The following RRBP1 variants were observed in gnomAD, a reference collection of about 807,000 sequenced individuals.
RRBP1 encodes ribosome binding protein 1.
Under a neutral mutation model 165.2 loss-of-function variants are expected in RRBP1, and 94 were observed. The observed-to-expected ratio is 0.57, with a 90% CI of 0.48 to 0.68. The LOEUF (loss-of-function observed/expected upper bound fraction) is 0.68. Among genes scored for constraint, RRBP1 ranks in the 30% least tolerant of loss-of-function variants. The pLI is 0.00. For missense variants in RRBP1, 1,676 were observed against 1,763.0 expected, an observed-to-expected ratio of 0.95 and a Z score of 0.88; for synonymous variants, 680 against 714.5, an observed-to-expected ratio of 0.95 and a Z score of 0.77.
At chr20:17,673,325 TCCTGA>T (rs1437426707) in intron 2 of RRBP1, among the ~76,000 whole-genome samples, 3 of 152,176 alleles carry the variant, frequency 2.0e-5, no homozygotes, top group Admixed American at 6.5e-5. Flanking sequence ...GGCAGTCACC[TCCTGA>T]CCTGACAGGG....
chr20:17,618,586 G>A lies in RRBP1; in HGVS notation c.3759+10C>T. The A allele has an allele frequency of 1.2e-6, 2 of 1,611,282 alleles. No homozygotes were observed. The highest frequency in any genetic ancestry group is 1.7e-6 in the Non-Finnish European group (2 of 1,177,644). ...CACACTCCTGGCATGGGGACATGGAGGCCACCTACCAGGGCAAGCTCATCG... is the reference window on the plus strand; with the variant it reads ...CACACTCCTGGCATGGGGACATGGAAGCCACCTACCAGGGCAAGCTCATCG... On this transcript the variant is annotated intron_variant, in intron 20 of 24. Transcript: ENST00000377813.
rs372374709 is a variant in RRBP1, at chr20:17,641,801, T to A, written c.2180A>T (p.Asn727Ile). 4.6e-5 allele frequency: 74 copies of A among 1,612,866 alleles called. No homozygotes were observed. The highest frequency in any genetic ancestry group is 5.8e-5 in the Non-Finnish European group (69 of 1,179,956). ...CCGAGCCCACTCAGGCTGTACCTTG[T>A]TGAGCTCCCTCAGTTTGCTCTTGGC... ...AVAKSKLREL[N>I]KEMAAEKAKA... Residue 727 changes from asparagine (N) to isoleucine (I), a missense_variant, in exon 5 of 25, where the codon AAC becomes ATC. By Grantham distance (149) the Asn-to-Ile change is moderately radical. Coordinates refer to ENST00000377813, the MANE Select transcript of RRBP1 (RefSeq NM_001365613.2).
intron 3 of RRBP1, among the ~76,000 whole-genome samples, chr20:17,645,198 G>A (rs2036441286): frequency 6.6e-6 from 1 of 152,230 alleles, no homozygotes; most frequent in South Asian, 2.1e-4. Flanking sequence ...TAAGGCAGCT[G>A]GAGGGCACGC....
Position 17,660,081 on chromosome 20 carries a change from CCTT to C in RRBP1, c.424_426del (p.Lys142del), listed in dbSNP as rs765134421. 180 of 1,614,112 alleles carry C rather than the reference CCTT, an allele frequency of 1.1e-4. No homozygotes were observed. Among genetic ancestry groups the C allele is most frequent in the South Asian group, 1.1e-3 (97 of 91,060 alleles). On this transcript the variant is annotated inframe_deletion, in exon 3 of 25. Transcript: ENST00000377813. Reference sequence around the variant, plus strand: ...GGTTCCACTTTTGCCACTTTTTTCTCCTTCTTCTTTTTGTCCTTGGGGGAGGAG... The same window carrying C: ...GGTTCCACTTTTGCCACTTTTTTCTCCTTCTTTTTGTCCTTGGGGGAGGAG...
intron 1 of RRBP1, among the ~76,000 whole-genome samples, 200 bp from the exon 2 acceptor site, chr20:17,680,275 CG>C (rs2037155752): frequency 6.6e-6 from 1 of 152,234 alleles, no homozygotes; most frequent in South Asian, 2.1e-4. Flanking sequence ...CTGCACAGGG[CG>C]GGGTAACATT....
intron 3 of RRBP1, among the ~76,000 whole-genome samples, chr20:17,652,180 G>T (rs1311711777): frequency 6.6e-6 from 1 of 152,226 alleles, no homozygotes; most frequent in Non-Finnish European, 1.5e-5. Context: ...CTTTCAGAAG[G>T]TCCTGTTTAG....
At position 17,625,614 on chromosome 20, in the gene RRBP1, C is replaced by A. The variant is rs769853834; in HGVS notation, c.2964-12G>T. The A allele has an allele frequency of 6.2e-7, 1 of 1,611,768 alleles. No homozygotes were observed. Among genetic ancestry groups the A allele is most frequent in the South Asian group, 1.1e-5 (1 of 91,040 alleles). ...CCAGCTCCTTGAGGCTGAAGGGACA[C>A]AACGAGGTCACCGCCTAGGCTCCAA... On this transcript the variant is annotated splice_polypyrimidine_tract_variant and intron_variant, in intron 11 of 24. Coordinates refer to ENST00000377813, the MANE Select transcript of RRBP1 (RefSeq NM_001365613.2).
At chr20:17,669,933 G>C (rs1203256313) in intron 2 of RRBP1, among the ~76,000 whole-genome samples, 2 of 152,100 alleles carry the variant, frequency 1.3e-5, no homozygotes, top group African/African-American at 4.8e-5. Context: ...AATTCTTCTT[G>C]AATTTTTGCA....
In RRBP1 at chr20:17,635,626, G is replaced by T; in HGVS notation, c.2376C>A (p.Asn792Lys). Residue 792 changes from asparagine (N) to lysine (K), a missense_variant, in exon 7 of 25, where the codon AAC becomes AAA. Physicochemically the swap from Asn to Lys is moderately conservative, Grantham distance 94. Coordinates refer to ENST00000377813, the MANE Select transcript of RRBP1 (RefSeq NM_001365613.2). ...TLQEQLENGP[N>K]TQLARLQQEN... ...CCTGCTGCAGGCGGGCCAGCTGCGTGTTGGGGCCATTCTCCAGCTGCTCCT... is the reference window on the plus strand; with the variant it reads ...CCTGCTGCAGGCGGGCCAGCTGCGTTTTGGGGCCATTCTCCAGCTGCTCCT... 6.2e-7 allele frequency: 1 copy of T among 1,613,530 alleles called. No individual in the cohort carries two copies. The highest frequency in any genetic ancestry group is 1.3e-5 in the African/African-American group (1 of 75,036).
At chr20:17,637,009 C>CGGTGCTGTCCCTGGCTCTCCAG (rs1568766866) in intron 5 of RRBP1, among the ~76,000 whole-genome samples, 1 of 152,226 alleles carries the variant, frequency 6.6e-6, no homozygotes, top group Non-Finnish European at 1.5e-5. Context: ...CAGAGACACA[C>CGGTGCTGTCCCTGGCTCTCCAG]GGTGCTGTCC....
Position 17,624,666 on chromosome 20 carries a change from G to A in RRBP1, c.3057C>T (p.Asp1019=), listed in dbSNP as rs1957277417. Residue 1019 remains aspartate, a splice_region_variant and synonymous_variant, in exon 13 of 25, where the codon GAC becomes GAT. Transcript: ENST00000377813. ...TGGCCTTCCAGTTCTTCTCCCGGAG[G>A]TCCTGGAGGGGACACAGGTGAAAGG... ...AVEQQKVKNN[D]LREKNWKAME... 2.5e-6 allele frequency: 4 copies of A among 1,575,626 alleles called. No homozygotes were observed. Among genetic ancestry groups the A allele is most frequent in the Non-Finnish European group, 2.6e-6 (3 of 1,160,688 alleles).
Position 17,659,597 on chromosome 20 carries a change from C to T in RRBP1, c.911G>A (p.Gly304Glu), listed in dbSNP as rs1006186277. Residue 304 changes from glycine (G) to glutamate (E), a missense_variant, in exon 3 of 25, where the codon GGG becomes GAG. This residue lies in a region of RRBP1 where 392 missense variants were observed against 382.5 expected (regional missense o/e 1.02). Transcript: ENST00000377813. ...TGCCTTTTTGCCCTGGTTCTGGGCC[C>T]CTTCTACCTTTTTGGCCTGGTTCTG... is the stretch of plus-strand genomic sequence containing the variant. Reference protein sequence around the residue: ...GAQNQAKKVEGAQNQGKKAEG... With the variant: ...GAQNQAKKVEEAQNQGKKAEG... The T allele has an allele frequency of 2.7e-5, 42 of 1,549,942 alleles. No individual in the cohort carries two copies. Among genetic ancestry groups the T allele is most frequent in the Middle Eastern group, 1.7e-4 (1 of 6,012 alleles).
intron 2 of RRBP1, among the ~76,000 whole-genome samples, chr20:17,676,300 C>A (rs1380315859): frequency 6.6e-6 from 1 of 152,164 alleles, no homozygotes; most frequent in Non-Finnish European, 1.5e-5. Flanking sequence ...GAAGGTAGAG[C>A]TGATGGGACC....
chr20:17,669,548 G>C (rs1406671919), intron 2 of RRBP1, among the ~76,000 whole-genome samples: 1 of 152,208 alleles, frequency 6.6e-6, no homozygotes, highest in South Asian at 2.1e-4. Flanking sequence ...GGTAAGTGAT[G>C]AATCAATCGT....
At chr20:17,641,294 G>A (rs1019288981) in intron 5 of RRBP1, among the ~76,000 whole-genome samples, 20 of 152,296 alleles carry the variant, frequency 1.3e-4, no homozygotes, top group Middle Eastern at 3.4e-3. Context: ...CCGCTGATAC[G>A]GGGAGCCAGG....
chr20:17,627,487 C>T lies in RRBP1; in HGVS notation c.2928+17G>A. ...GGAGTTCCCTTTCCTCCCCGTGGCC[C>T]CAGGCAGAAGGCTGACCTGGACGTC... On this transcript the variant is annotated intron_variant, in intron 10 of 24. Transcript: ENST00000377813. The T allele has an allele frequency of 6.2e-7, 1 of 1,606,272 alleles. No individual in the cohort carries two copies. The highest frequency in any genetic ancestry group is 8.5e-7 in the Non-Finnish European group (1 of 1,175,102).
rs371717021 is a variant in RRBP1 at position 17,680,340 on chromosome 20, C to T, written c.-98-265G>A. ...CAGACGTCCTGGGTCTCTGGGGACA[C>T]CCAGTTCTGAAGAGGTATCTAATGT... On this transcript the variant is annotated intron_variant, in intron 1 of 24. Transcript: ENST00000377813. Among the ~76,000 whole-genome samples the T allele has an allele frequency of 3.2e-4, 48 of 152,262 alleles. No individual in the cohort carries two copies. In the South Asian group the frequency reaches 8.7e-3, roughly 28 times the overall value.
At chr20:17,670,627 T>C (rs966495077) in intron 2 of RRBP1, among the ~76,000 whole-genome samples, 4 of 152,224 alleles carry the variant, frequency 2.6e-5, no homozygotes, top group African/African-American at 9.7e-5. Flanking sequence ...TCCAAATATT[T>C]ACCACTTTCT....
intron 22 of RRBP1, 102 bp downstream of exon 22, chr20:17,615,824 C>G: frequency 9.5e-7 from 1 of 1,049,556 alleles, no homozygotes; most frequent in Admixed American, 2.2e-5. Flanking sequence ...AGCCCAGGTG[C>G]TGCTGGGCAC....
Sources: gnomAD v4.1 joint callset for allele counts (sites outside exome capture counted in the v4.1 genomes callset) on GRCh38, gnomAD v4.1.1 for gene constraint, gnomAD v4.1.1 regional missense constraint, MANE v1.5 for transcripts, NCBI Gene and HGNC (gene_info 2026-07-23, HGNC 2026-07-21) for gene names.